Variants in ZNF7 observed in about 807,000 individuals in gnomAD.
ZNF7 encodes C2-H2 type zinc finger protein.
ZNF7 carries 10 observed loss-of-function variants against 12.0 expected under a neutral mutation model. That is an observed-to-expected ratio of 0.83 (90% CI 0.51 to 1.42). The LOEUF (loss-of-function observed/expected upper bound fraction) is 1.42, where lower values mean the gene tolerates loss of function less well. Ranked by LOEUF, ZNF7 falls within the 40% of genes most tolerant of loss-of-function variation. The probability of loss-of-function intolerance (pLI) is 0.00; values close to 1 mark genes in which losing one functional copy is unlikely to be tolerated. For synonymous variants in ZNF7, 334 were observed against 295.0 expected (o/e 1.13, Z -1.35); for missense variants, 854 against 837.2 (o/e 1.02, Z -0.25).
chr8:144,841,538 C>A lies in ZNF7; in HGVS notation c.431C>A (p.Thr144Lys). Residue 144 changes from threonine (T) to lysine (K), a missense_variant, in exon 5 of 5, where the codon ACA (threonine) becomes AAA (lysine). Thr to Lys is a moderately conservative substitution (Grantham distance 78). Transcript: ENST00000532777. ...CTGGGCAGTCCCGGGCTGAAAGTGA[C>A]AGGCTTTACCTTCCAAAATAACTGT... ...SHLGSPGLKV[T>K]GFTFQNNCLN... The A allele has an allele frequency of 6.2e-7, 1 of 1,614,172 alleles. No individual in the cohort carries two copies.
chr8:144,841,817 A>G lies in ZNF7; in HGVS notation c.710A>G (p.Gln237Arg), dbSNP rs1304339268. 1 of 1,614,110 alleles carries G rather than the reference A, an allele frequency of 6.2e-7. No individual in the cohort carries two copies. The highest frequency in any genetic ancestry group is 2.2e-5 in the East Asian group (1 of 44,900). Residue 237 changes from glutamine to arginine, a missense_variant, in exon 5 of 5, where the codon CAG becomes CGG. Gln to Arg is a conservative substitution (Grantham distance 43). Coordinates refer to ENST00000532777, the MANE Select transcript of ZNF7 (RefSeq NM_003416.4). ...CAAAAAAAGTTATCTGACTGCTTGC[A>G]GGGGAAACATACAAATAACTGCCAT... ...ECQKKLSDCL[Q>R]GKHTNNCHGE...
At chr8:144,846,315 G>A (rs1830509218), downstream of ZNF7, 1 of 845,868 alleles carries the variant, frequency 1.2e-6, no homozygotes, top group Non-Finnish European at 1.8e-6. Flanking sequence ...CTAAGTCAGG[G>A]GCTGGCAAAC....
At position 144,841,089 on chromosome 8, in the gene ZNF7, T is replaced by C. The variant is rs1250769245; in HGVS notation, c.248-266T>C. The C allele has an allele frequency of 1.6e-5, 7 of 450,348 alleles. No individual in the cohort carries two copies. In the East Asian group the frequency reaches 2.3e-4, roughly 15 times the overall value. The allele number at this position is 450,348 out of a possible 1,614,324, so 27.9% of individuals were successfully genotyped here. A position where few individuals can be genotyped will look rare whatever the true frequency, so the allele number is the denominator to read the frequency against. ...GGACTGTGCCCCACACCAGTGCCTG[T>C]AGGATGGACCTCTCTGCTCACAGAA... On this transcript the variant is annotated intron_variant, in intron 4 of 4. Coordinates refer to ENST00000532777, the MANE Select transcript of ZNF7 (RefSeq NM_003416.4).
At position 144,827,602 on chromosome 8, in the gene ZNF7, C is replaced by G. The variant is rs992515373; in HGVS notation, c.-53C>G. On this transcript the variant is annotated 5_prime_UTR_variant, in exon 1 of 5. Coordinates refer to ENST00000532777, the MANE Select transcript of ZNF7 (RefSeq NM_003416.4). ...GCGTTTGCGAGCCTCGGGTGGTCCT[C>G]AGGGAGGGTGAGTCGGCGCGGCGGG... 5.1e-6 allele frequency: 5 copies of G among 985,494 alleles called. No homozygotes were observed. The African/African-American group carries it at 8.7e-5, about 17-fold the overall frequency. The allele number at this position is 985,494 out of a possible 1,614,324, so 61.0% of individuals were successfully genotyped here. A position where few individuals can be genotyped will look rare whatever the true frequency, so the allele number is the denominator to read the frequency against.
At chr8:144,843,992 C>G (rs1036939950), downstream of ZNF7, among the ~76,000 whole-genome samples, 1 of 152,142 alleles carries the variant, frequency 6.6e-6, no homozygotes, top group Non-Finnish European at 1.5e-5. Flanking sequence ...GCAGGCTGGG[C>G]TAGCAGGTAC....
At chr8:144,835,860 C>T (rs931877549) in intron 3 of ZNF7, 4 of 152,184 alleles carry the variant, frequency 2.6e-5, no homozygotes, top group East Asian at 1.9e-4. Context: ...TGCCTGGGTT[C>T]CAGCGATCCT....
intron 4 of ZNF7, among the ~76,000 whole-genome samples, chr8:144,839,497 G>A (rs1829572913): frequency 6.6e-6 from 1 of 152,234 alleles, no homozygotes; most frequent in South Asian, 2.1e-4. Context: ...GTTTAAAGAG[G>A]GTGCCATGGC....
chr8:144,842,749 A>T lies in ZNF7; in HGVS notation c.1642A>T (p.Thr548Ser), dbSNP rs767394022. Reference protein sequence around the residue: ...TQLTIHQRVHTGERPYKCNEC... With the variant: ...TQLTIHQRVHSGERPYKCNEC... ...GCTTACAATACATCAAAGGGTTCAC[A>T]CTGGAGAGAGGCCCTATAAATGTAA... Residue 548 changes from threonine to serine, a missense_variant, in exon 5 of 5, where the codon ACT (threonine) becomes TCT (serine). Coordinates refer to ENST00000532777, the MANE Select transcript of ZNF7 (RefSeq NM_003416.4). The T allele has an allele frequency of 1.9e-6, 3 of 1,614,212 alleles. No individual in the cohort carries two copies. Among genetic ancestry groups the T allele is most frequent in the Non-Finnish European group, 2.5e-6 (3 of 1,180,040 alleles).
chr8:144,844,686 G>C (rs918786407), downstream of ZNF7, among the ~76,000 whole-genome samples: 1 of 141,340 alleles, frequency 7.1e-6, no homozygotes, highest in Non-Finnish European at 1.5e-5. Context: ...TCCAGCCTGG[G>C]TGACAAGAGT....
At chr8:144,838,859 GT>G (rs1829430858) in intron 4 of ZNF7, 1 of 36,766 alleles carries the variant, frequency 2.7e-5, no homozygotes, top group Non-Finnish European at 1.0e-4. Flanking sequence ...GGAGAATGGT[GT>G]GAGCCCAGGA....
In ZNF7 at chr8:144,843,156, T is replaced by TG; in HGVS notation, c.2049_2050insG (p.His684AlafsTer16). On this transcript the variant is annotated frameshift_variant, in exon 5 of 5. Transcript: ENST00000532777. LOFTEE classifies it high-confidence loss of function. Reference sequence around the variant, plus strand: ...CAAGGCTTACCCAGCATCAAAAAATTCACATGGGATAGACCACTTACATAT... The same window carrying TG: ...CAAGGCTTACCCAGCATCAAAAAATTGCACATGGGATAGACCACTTACATAT... The TG allele has an allele frequency of 6.3e-7, 1 of 1,588,138 alleles. No individual in the cohort carries two copies. The highest frequency in any genetic ancestry group is 8.5e-7 in the Non-Finnish European group (1 of 1,169,748).
intron 4 of ZNF7, 145 bp from the exon 5 acceptor site, chr8:144,841,210 C>A: frequency 1.3e-6 from 1 of 785,924 alleles, no homozygotes; most frequent in East Asian, 2.5e-5. Flanking sequence ...AAAGGCTCTG[C>A]CTTCTCTTGC....
At chr8:144,831,778 A>G (rs1457051818) in intron 3 of ZNF7, among the ~76,000 whole-genome samples, 2 of 76,064 alleles carry the variant, frequency 2.6e-5, no homozygotes. Context: ...GCGAGACTCC[A>G]TCTAAAAAAA....
chr8:144,836,656 T>C lies in ZNF7; in HGVS notation c.131-735T>C, dbSNP rs1829032747. The C allele has an allele frequency of 2.0e-5, 3 of 152,342 alleles. No individual in the cohort carries two copies. The South Asian group carries it at 6.2e-4, about 31-fold the overall frequency. 9.4% of individuals were successfully genotyped at this position (152,342 alleles called of 1,614,324 possible). On this transcript the variant is annotated intron_variant, in intron 3 of 4. Transcript: ENST00000532777. ...TCTGGGGGTTTCAGCTTATTGGCTA[T>C]AGGCCTTTGGAATCTCTGCCTGCCT...
chr8:144,831,115 CT>C (rs1489243172), intron 3 of ZNF7: 1 of 442,380 alleles, frequency 2.3e-6, no homozygotes, highest in Non-Finnish European at 4.5e-6. Context: ...TCTGCTGTGC[CT>C]GTCCTCCTCT....
In ZNF7 at chr8:144,842,067, C is replaced by G; in HGVS notation, c.960C>G (p.Ser320Arg). Residue 320 changes from serine to arginine, a missense_variant, in exon 5 of 5, where the codon AGC becomes AGG. Coordinates refer to ENST00000532777, the MANE Select transcript of ZNF7 (RefSeq NM_003416.4). ...ECGKAFGQSS[S>R]LIHHQRIHTG... ...GAAAAGCTTTTGGTCAGAGCTCAAG[C>G]CTCATCCACCATCAGAGAATCCACA... 1 of 1,613,956 alleles carries G rather than the reference C, an allele frequency of 6.2e-7. No homozygotes were observed. Among genetic ancestry groups the G allele is most frequent in the Non-Finnish European group, 8.5e-7 (1 of 1,179,982 alleles).
At chr8:144,841,199 C>A in intron 4 of ZNF7, 156 bp from the exon 5 acceptor site, 1 of 744,662 alleles carries the variant, frequency 1.3e-6, no homozygotes, top group Non-Finnish European at 2.2e-6. Flanking sequence ...TGAGAACTGT[C>A]AAAGGCTCTG....
downstream of ZNF7, chr8:144,845,978 G>T: frequency 1.3e-6 from 2 of 1,536,448 alleles, no homozygotes; most frequent in Non-Finnish European, 1.7e-6. Context: ...CTCTACTTCA[G>T]GCTTTCTGGG....
Position 144,829,031 on chromosome 8 carries a change from A to G in ZNF7, c.-45-12A>G. The G allele has an allele frequency of 6.2e-7, 1 of 1,613,198 alleles. No individual in the cohort carries two copies. Among genetic ancestry groups the G allele is most frequent in the Non-Finnish European group, 8.5e-7 (1 of 1,179,632 alleles). ...GCACCTTGACCTCTAATCCTTTCAT[A>G]ATTGCCAACAGGTCTCTCGGCCAGA... On this transcript the variant is annotated splice_polypyrimidine_tract_variant and intron_variant, in intron 1 of 4. Coordinates refer to ENST00000532777, the MANE Select transcript of ZNF7 (RefSeq NM_003416.4).
Sources: gnomAD v4.1 joint callset for allele counts (sites outside exome capture counted in the v4.1 genomes callset) on GRCh38, gnomAD v4.1.1 for gene constraint, MANE v1.5 for transcripts, NCBI Gene and HGNC (gene_info 2026-07-23, HGNC 2026-07-21) for gene names.